NCAM2: variants seen among roughly 807,000 people sequenced by gnomAD.
NCAM2 encodes the protein N-CAM-2.
A neutral mutation model predicts 98.1 loss-of-function variants in NCAM2; 30 were observed. The observed-to-expected ratio is 0.31, with a 90% CI of 0.23 to 0.41. The LOEUF is 0.41. Ranked by LOEUF, NCAM2 falls within the 10% of genes least tolerant of loss-of-function variation. The pLI is 1.00. For synonymous variants in NCAM2, 368 were observed against 342.4 expected (o/e 1.07, Z -0.83); for missense variants, 867 against 1,005.8 (o/e 0.86, Z 1.87).
chr21:21,073,593 T>A (rs1456574869), intron 1 of NCAM2, among the ~76,000 whole-genome samples: 1 of 152,206 alleles, frequency 6.6e-6, no homozygotes. Flanking sequence ...CTAGCATTTC[T>A]CTAAGACCCT....
At chr21:21,022,981 A>T (rs2064467386) in intron 1 of NCAM2, among the ~76,000 whole-genome samples, 1 of 152,216 alleles carries the variant, frequency 6.6e-6, no homozygotes, top group Admixed American at 6.5e-5. Flanking sequence ...CTTTAAAATG[A>T]GTTAATATTT....
chr21:21,253,815 T>C (rs2071561270), intron 1 of NCAM2, among the ~76,000 whole-genome samples: 1 of 152,190 alleles, frequency 6.6e-6, no homozygotes, highest in African/African-American at 2.4e-5. Context: ...GGAAATCGCT[T>C]AAACACTTGA....
intron 16 of NCAM2, among the ~76,000 whole-genome samples, chr21:21,512,078 G>C (rs184869586): frequency 2.6e-5 from 4 of 151,832 alleles, no homozygotes; most frequent in Admixed American, 2.6e-4. Context: ...GTTTCCTTTA[G>C]TGTTCAGAAG....
At position 21,431,086 on chromosome 21, in the gene NCAM2, T is replaced by G. The variant is rs1300599139; in HGVS notation, c.1481-1022T>G. ...AAAAAAAAAAATTCAAGGTGAGATT[T>G]GTGTGGGGACACAGAGCCAAACCAT... On this transcript the variant is annotated intron_variant, in intron 11 of 17. Coordinates refer to ENST00000400546, the MANE Select transcript of NCAM2 (RefSeq NM_004540.5). Among the ~76,000 whole-genome samples, 4 of 143,500 alleles carry G rather than the reference T, an allele frequency of 2.8e-5. 1 individual carries two copies. Among genetic ancestry groups the G allele is most frequent in the Non-Finnish European group, 6.1e-5 (4 of 65,456 alleles). The allele number at this position is 143,500 out of a possible 152,430, so 94.1% of individuals were successfully genotyped here.
chr21:21,269,640 T>A (rs1489240618), intron 1 of NCAM2, among the ~76,000 whole-genome samples: 1 of 152,218 alleles, frequency 6.6e-6, no homozygotes, highest in Non-Finnish European at 1.5e-5. Flanking sequence ...ATTTTATGAT[T>A]GGCACTTAAC....
intron 7 of NCAM2, 87 bp from the exon 8 acceptor site, chr21:21,338,302 A>G: frequency 8.2e-7 from 1 of 1,226,448 alleles, no homozygotes; most frequent in Non-Finnish European, 1.2e-6. Context: ...ACTATACTAT[A>G]GTAGACTTAA....
chr21:21,483,737 C>A (rs1225267750), intron 15 of NCAM2, among the ~76,000 whole-genome samples: 1 of 152,042 alleles, frequency 6.6e-6, no homozygotes, highest in Non-Finnish European at 1.5e-5. Context: ...CCTGCAGCAG[C>A]ATTTAGTTTA....
chr21:21,227,120 T>C (rs1396936884), intron 1 of NCAM2, among the ~76,000 whole-genome samples: 1 of 151,900 alleles, frequency 6.6e-6, no homozygotes, highest in Non-Finnish European at 1.5e-5. Context: ...AAATATTCTG[T>C]TGAACATAGA....
At chr21:21,226,722 A>C (rs898125699) in intron 1 of NCAM2, 1 of 152,230 alleles carries the variant, frequency 6.6e-6, no homozygotes, top group Non-Finnish European at 1.5e-5. Context: ...CAAAGGCTGT[A>C]TTAGTAATGA....
chr21:21,116,227 T>G (rs563105689), intron 1 of NCAM2, among the ~76,000 whole-genome samples: 30 of 152,170 alleles, frequency 2.0e-4, no homozygotes, highest in Admixed American at 1.6e-3. Flanking sequence ...ATGCCATGTG[T>G]GAAGGGATTA....
intron 9 of NCAM2, among the ~76,000 whole-genome samples, chr21:21,394,469 CTTTTTTTTTTTTTTTTTTTTTTTTT>C (rs532068473): frequency 1.7e-5 from 1 of 57,632 alleles, no homozygotes; most frequent in Admixed American, 2.7e-4. Context: ...AAGGGGCCAG[CTTTTTTTTTTTTTTTTTTTTTTTTT>C]TTTTTTTTTT....
intron 1 of NCAM2, among the ~76,000 whole-genome samples, chr21:21,273,371 G>T (rs1046047686): frequency 6.6e-6 from 1 of 151,932 alleles, no homozygotes; most frequent in Non-Finnish European, 1.5e-5. Context: ...ATATTTAAGG[G>T]ATACATGGTA....
chr21:21,369,641 C>A (rs1229655027), intron 8 of NCAM2, among the ~76,000 whole-genome samples: 1 of 151,776 alleles, frequency 6.6e-6, no homozygotes, highest in Non-Finnish European at 1.5e-5. Context: ...TCATGGTAGC[C>A]ACTCCAATGA....
intron 16 of NCAM2, among the ~76,000 whole-genome samples, chr21:21,510,430 G>A (rs550222906): frequency 6.6e-6 from 1 of 152,092 alleles, no homozygotes; most frequent in African/African-American, 2.4e-5. Context: ...TCACATAAAT[G>A]GATTCCTGCA....
chr21:21,468,842 A>C lies in NCAM2; in HGVS notation c.1896+59A>C. On this transcript the variant is annotated intron_variant, in intron 14 of 17. Transcript: ENST00000400546. ...GTTTTTTCAAATTAAATTGAGTTGCACTGAATTTATAAACATATCAGGAGA... is the reference window on the plus strand; with the variant it reads ...GTTTTTTCAAATTAAATTGAGTTGCCCTGAATTTATAAACATATCAGGAGA... 4.7e-6 allele frequency: 7 copies of C among 1,475,278 alleles called. 1 individual carries two copies. The South Asian group carries it at 8.8e-5, about 18-fold the overall frequency. The allele number at this position is 1,475,278 out of a possible 1,614,324, so 91.4% of individuals were successfully genotyped here.
chr21:21,195,013 T>A (rs1046439887), intron 1 of NCAM2, among the ~76,000 whole-genome samples: 1 of 152,178 alleles, frequency 6.6e-6, no homozygotes, highest in African/African-American at 2.4e-5. Context: ...GTGTTTATAT[T>A]TCTGTGTGTC....
chr21:21,119,731 A>C (rs978805164), intron 1 of NCAM2, among the ~76,000 whole-genome samples: 1 of 152,214 alleles, frequency 6.6e-6, no homozygotes. Context: ...AAGAAAAACA[A>C]ATTATCTGGA....
intron 1 of NCAM2, among the ~76,000 whole-genome samples, chr21:21,071,874 TC>T (rs2065573768): frequency 1.4e-4 from 1 of 7,210 alleles, no homozygotes; most frequent in Non-Finnish European, 5.6e-4. Flanking sequence ...TGTCTGCCTA[TC>T]TATCTATCTA....
At chr21:21,221,036 A>T (rs2070126639) in intron 1 of NCAM2, among the ~76,000 whole-genome samples, 1 of 152,144 alleles carries the variant, frequency 6.6e-6, no homozygotes, top group African/African-American at 2.4e-5. Flanking sequence ...TTCTTACAAT[A>T]TTGCAAACTT....
Sources: gnomAD v4.1 joint callset for allele counts (sites outside exome capture counted in the v4.1 genomes callset) on GRCh38, gnomAD v4.1.1 for gene constraint, MANE v1.5 for transcripts, NCBI Gene and HGNC (gene_info 2026-07-23, HGNC 2026-07-21) for gene names.